ITPR1: variants seen among roughly 807,000 people sequenced by gnomAD.
The protein encoded by ITPR1 is inositol 1,4,5-trisphosphate receptor type 1.
A neutral mutation model predicts 318.4 loss-of-function variants in ITPR1; 96 were observed. The ratio of observed to expected loss-of-function variants is 0.30; its 90% CI spans 0.26 to 0.36. The LOEUF is 0.36. Ranked by LOEUF, ITPR1 falls within the 10% of genes least tolerant of loss-of-function variation. ITPR1 has a pLI of 1.00. For missense variants in ITPR1, 2,440 were observed against 3,460.2 expected (o/e 0.71, Z 7.40); for synonymous variants, 1,312 against 1,289.9 (o/e 1.02, Z -0.37).
Position 4,806,575 on chromosome 3 carries a change from T to G in ITPR1, c.7272+308T>G, listed in dbSNP as rs551476123. The stretch of plus-strand genomic sequence containing the variant: ...TTTCCTTTCCATGCACCTTTGTTTT[T>G]CTTTACTTCTTAGACTCAGCCGCAC... On this transcript the variant is annotated intron_variant, in intron 55 of 61. Transcript: ENST00000649015. Among the ~76,000 whole-genome samples, 7 of 152,346 alleles carry G rather than the reference T, an allele frequency of 4.6e-5. No individual in the cohort carries two copies. In the South Asian group the frequency reaches 1.0e-3, roughly 23 times the overall value.
chr3:4,633,233 G>C (rs1274578545), intron 5 of ITPR1, among the ~76,000 whole-genome samples: 1 of 152,138 alleles, frequency 6.6e-6, no homozygotes, highest in Admixed American at 6.5e-5. Context: ...ACTGGGCCCG[G>C]CCTCAGGTCT....
intron 4 of ITPR1, among the ~76,000 whole-genome samples, chr3:4,616,713 A>G (rs1455693181): frequency 1.7e-4 from 26 of 152,222 alleles, no homozygotes; most frequent in Admixed American, 1.7e-3. Context: ...CTGCAACTCC[A>G]GCCAGAGTGT....
intron 4 of ITPR1, among the ~76,000 whole-genome samples, chr3:4,530,215 A>G (rs1335084579): frequency 1.3e-5 from 2 of 152,188 alleles, no homozygotes; most frequent in Admixed American, 6.5e-5. Flanking sequence ...ATAAATACAC[A>G]GCTACTGTTT....
In ITPR1 at chr3:4,726,646, G is replaced by A. The variant is rs534469169; in HGVS notation, c.5173-480G>A. ...AATCAGAGCTCCTCATTCTGTTAAC[G>A]GTTTTGTTACAAGACTTGTGTACTT... On this transcript the variant is annotated intron_variant, in intron 41 of 61. Coordinates refer to ENST00000649015, the MANE Select transcript of ITPR1 (RefSeq NM_001378452.1). 1.8e-3 allele frequency among the ~76,000 whole-genome samples: 278 copies of A among 152,254 alleles called. 4 individuals are homozygous for A. The highest frequency in any genetic ancestry group is 6.3e-3 in the African/African-American group (262 of 41,532).
chr3:4,838,633 A>G (rs2051104666), intron 61 of ITPR1, among the ~76,000 whole-genome samples: 1 of 152,234 alleles, frequency 6.6e-6, no homozygotes. Flanking sequence ...CCAAAGAAAC[A>G]GAGGATCTTT....
intron 16 of ITPR1, among the ~76,000 whole-genome samples, chr3:4,663,795 GCTC>G (rs796789198): frequency 3.9e-5 from 6 of 152,270 alleles, no homozygotes; most frequent in South Asian, 2.1e-4. Context: ...AATCATCTGT[GCTC>G]CTCCTATTTG....
At chr3:4,610,240 T>A (rs1262488952) in intron 4 of ITPR1, among the ~76,000 whole-genome samples, 1 of 152,162 alleles carries the variant, frequency 6.6e-6, no homozygotes, top group Non-Finnish European at 1.5e-5. Flanking sequence ...GCTGGGTTAG[T>A]GCTCCTCTGT....
chr3:4,635,781 C>T (rs2093171441), intron 5 of ITPR1, among the ~76,000 whole-genome samples: 3 of 152,168 alleles, frequency 2.0e-5, no homozygotes, highest in Admixed American at 2.0e-4. Context: ...TACCTTGTTA[C>T]CTTTTCATCT....
At chr3:4,512,341 C>G (rs1287509486) in intron 2 of ITPR1, among the ~76,000 whole-genome samples, 1 of 152,056 alleles carries the variant, frequency 6.6e-6, no homozygotes, top group Non-Finnish European at 1.5e-5. Context: ...CCATAGGCAG[C>G]GCGATGGGGA....
chr3:4,771,794 A>T (rs2046205562), intron 46 of ITPR1, among the ~76,000 whole-genome samples: 1 of 152,194 alleles, frequency 6.6e-6, no homozygotes, highest in Non-Finnish European at 1.5e-5. Flanking sequence ...CATAAAGATT[A>T]TCCAGTTCAG....
chr3:4,634,718 C>T (rs545400814), intron 5 of ITPR1, among the ~76,000 whole-genome samples: 2 of 152,296 alleles, frequency 1.3e-5, no homozygotes, highest in East Asian at 1.9e-4. Flanking sequence ...CTATTCTGTT[C>T]CTGTGTCTCC....
intron 4 of ITPR1, among the ~76,000 whole-genome samples, chr3:4,609,089 T>TATATATATATATATACACAC (rs1171860541): frequency 1.1e-4 from 10 of 91,940 alleles, no homozygotes; most frequent in African/African-American, 3.4e-4. Context: ...TATATATATA[T>TATATATATATATATACACAC]ACACACACAC....
At chr3:4,640,796 A>G (rs1309000753) in intron 6 of ITPR1, among the ~76,000 whole-genome samples, 5 of 152,190 alleles carry the variant, frequency 3.3e-5, no homozygotes, top group African/African-American at 9.6e-5. Flanking sequence ...AATTAATCTT[A>G]GTTATTATTA....
intron 17 of ITPR1, among the ~76,000 whole-genome samples, chr3:4,666,607 C>T (rs563564291): frequency 3.9e-5 from 6 of 152,234 alleles, no homozygotes; most frequent in African/African-American, 1.4e-4. Flanking sequence ...AAAACCATGG[C>T]CTGTTTTCAT....
At chr3:4,808,428 G>T (rs1033974641) in intron 55 of ITPR1, among the ~76,000 whole-genome samples, 8 of 152,230 alleles carry the variant, frequency 5.3e-5, no homozygotes, top group African/African-American at 1.4e-4. Flanking sequence ...GTTCCAGTTT[G>T]CATCTGTGCT....
At position 4,782,752 on chromosome 3, in the gene ITPR1, T is replaced by TG. The variant is rs1160651244; in HGVS notation, c.6510+11_6510+12insG. The TG allele has an allele frequency of 6.8e-7, 1 of 1,470,384 alleles. No homozygotes were observed. Among genetic ancestry groups the TG allele is most frequent in the African/African-American group, 1.4e-5 (1 of 70,034 alleles). The allele number at this position is 1,470,384 out of a possible 1,614,324, so 91.1% of individuals were successfully genotyped here. On this transcript the variant is annotated intron_variant, in intron 50 of 61. Coordinates refer to ENST00000649015, the MANE Select transcript of ITPR1 (RefSeq NM_001378452.1). ...ATATTAGCCCATCAGGTATGATCTC[T>TG]CCTGTGCCTCCTCTGGATGCTGCCT...
At chr3:4,805,670 C>G (rs2048508290) in intron 54 of ITPR1, among the ~76,000 whole-genome samples, 1 of 152,140 alleles carries the variant, frequency 6.6e-6, no homozygotes, top group African/African-American at 2.4e-5. Flanking sequence ...TAAATTGCCA[C>G]CTTACAGTGC....
At chr3:4,623,617 G>A (rs2092718679) in intron 4 of ITPR1, among the ~76,000 whole-genome samples, 1 of 152,120 alleles carries the variant, frequency 6.6e-6, no homozygotes, top group East Asian at 1.9e-4. Flanking sequence ...CAGAGTGTTA[G>A]GGCCCAGTGC....
intron 4 of ITPR1, among the ~76,000 whole-genome samples, chr3:4,608,555 C>A (rs1482050614): frequency 6.6e-6 from 1 of 152,048 alleles, no homozygotes; most frequent in Non-Finnish European, 1.5e-5. Flanking sequence ...TTTTAGCCCC[C>A]AGAAGACATT....
Sources: allele counts gnomAD v4.1 joint callset (sites outside exome capture counted in the v4.1 genomes callset), GRCh38; gene constraint gnomAD v4.1.1; transcripts MANE v1.5; gene names NCBI Gene and HGNC (gene_info 2026-07-23, HGNC 2026-07-21).